Variants in ZNF544 observed in about 807,000 individuals in gnomAD.
The protein encoded by ZNF544 is zinc finger protein 544.
In ZNF544, 10 loss-of-function variants were observed where a neutral mutation model predicts 13.5. The observed-to-expected ratio is 0.74, with a 90% CI of 0.46 to 1.25. The LOEUF (loss-of-function observed/expected upper bound fraction) is 1.25, where lower values mean the gene tolerates loss of function less well. Among genes scored for constraint, ZNF544 ranks in the 50% most tolerant of loss-of-function variants. The pLI is 0.00. For synonymous variants in ZNF544, 323 were observed against 300.5 expected, an observed-to-expected ratio of 1.07 and a Z score of -0.77; for missense variants, 896 against 845.6, an observed-to-expected ratio of 1.06 and a Z score of -0.74.
At chr19:58,230,748 C>T (rs2041029353) in intron 3 of ZNF544, among the ~76,000 whole-genome samples, 1 of 152,102 alleles carries the variant, frequency 6.6e-6, no homozygotes, top group East Asian at 1.9e-4. Context: ...GTGTTGGTCA[C>T]TCTGTTCAGG....
At chr19:58,246,571 A>G (rs985577156) in intron 5 of ZNF544, 140 bp from the exon 6 acceptor site, 9 of 1,465,262 alleles carry the variant, frequency 6.1e-6, no homozygotes, top group Admixed American at 4.0e-5. Flanking sequence ...CCTTCATTCT[A>G]TCTCTGGGAC....
At chr19:58,274,567 A>G (rs923565819) in intron 5 of ZNF544, among the ~76,000 whole-genome samples, 2 of 152,188 alleles carry the variant, frequency 1.3e-5, no homozygotes, top group Non-Finnish European at 2.9e-5. Context: ...TGGCTTCCAC[A>G]ACTGTAACAA....
rs2048901871 is a variant in ZNF544 at position 58,261,353 on chromosome 19, C to T, written c.747C>T (p.Asp249=). 2.0e-5 allele frequency: 33 copies of T among 1,613,644 alleles called. No individual in the cohort carries two copies. Among genetic ancestry groups the T allele is most frequent in the Non-Finnish European group, 2.7e-5 (32 of 1,179,910 alleles). ...KNPYEYIVSG[D]SLNYGSSLCF... ...CTTATGAATATATTGTCAGTGGTGA[C>T]TCTCTCAACTATGGTTCCTCCCTTT... The change falls in exon 7 of 7, where the codon GAC becomes GAT. Residue 249 remains aspartate (D), a synonymous_variant. Coordinates refer to ENST00000687789, the MANE Select transcript of ZNF544 (RefSeq NM_014480.4).
Position 58,262,249 on chromosome 19 carries a change from A to G in ZNF544, c.1643A>G (p.Tyr548Cys). ...CGAATTCACACTGGAGAAAAACCGT[A>G]TCAGTGTATTGAATGTGGGAAATCC... ...HQRIHTGEKP[Y>C]QCIECGKSFR... Residue 548 changes from tyrosine (Y) to cysteine (C), a missense_variant, in exon 7 of 7, where the codon TAT becomes TGT. By Grantham distance (194) the Tyr-to-Cys change is radical (BLOSUM62 -2). Coordinates refer to ENST00000687789, the MANE Select transcript of ZNF544 (RefSeq NM_014480.4). The G allele has an allele frequency of 1.9e-6, 3 of 1,614,114 alleles. No individual in the cohort carries two copies. Among genetic ancestry groups the G allele is most frequent in the Non-Finnish European group, 2.5e-6 (3 of 1,180,036 alleles).
downstream of ZNF544, among the ~76,000 whole-genome samples, chr19:58,268,296 C>G (rs1394772016): frequency 6.6e-6 from 1 of 151,832 alleles, no homozygotes; most frequent in Non-Finnish European, 1.5e-5. Context: ...AGTGAAACTC[C>G]GTCTCAGAAA....
Position 58,243,158 on chromosome 19 carries a change from C to T in ZNF544, c.-59-807C>T, listed in dbSNP as rs1600263275. ...GTCAGAGTTCAAGGCTCTTCATGAA[C>T]TAGAAAGCATTGTGCAAATGAAAGG... On this transcript the variant is annotated intron_variant, in intron 3 of 6. Transcript: ENST00000687789. Among the ~76,000 whole-genome samples the T allele has an allele frequency of 6.6e-5, 10 of 152,202 alleles. No homozygotes were observed. In the South Asian group the frequency reaches 2.1e-3, roughly 32 times the overall value.
intron 3 of ZNF544, among the ~76,000 whole-genome samples, chr19:58,230,914 T>A (rs1387548745): frequency 6.6e-6 from 1 of 151,306 alleles, no homozygotes; most frequent in Non-Finnish European, 1.5e-5. Context: ...GAGTCCAGAG[T>A]CATCCCTTGG....
chr19:58,246,296 T>A lies in ZNF544; in HGVS notation c.34-5T>A, dbSNP rs1188390462. 2 of 1,613,870 alleles carry A rather than the reference T, an allele frequency of 1.2e-6. No homozygotes were observed. The highest frequency in any genetic ancestry group is 1.7e-6 in the Non-Finnish European group (2 of 1,179,912). On this transcript the variant is annotated splice_polypyrimidine_tract_variant and splice_region_variant and intron_variant, in intron 4 of 6. Coordinates refer to ENST00000687789, the MANE Select transcript of ZNF544 (RefSeq NM_014480.4). Reference sequence around the variant, plus strand: ...CTCTGAGCAGTAACAAGTGCCCTGTTTCAGGCATCTGTGTGCTTCGAGGAT... The same window carrying A: ...CTCTGAGCAGTAACAAGTGCCCTGTATCAGGCATCTGTGTGCTTCGAGGAT...
At position 58,229,554 on chromosome 19, in the gene ZNF544, C is replaced by G. The variant is rs1351677379; in HGVS notation, c.-145C>G. 1 of 152,310 alleles carries G rather than the reference C, an allele frequency of 6.6e-6. No homozygotes were observed. The highest frequency in any genetic ancestry group is 1.5e-5 in the Non-Finnish European group (1 of 68,092). The allele number at this position is 152,310 out of a possible 1,614,324, so 9.4% of individuals were successfully genotyped here. On this transcript the variant is annotated 5_prime_UTR_variant, in exon 2 of 7. Transcript: ENST00000687789. The stretch of plus-strand genomic sequence containing the variant: ...AGGTCATCCCAGCTCCAGACGTGGA[C>G]ACATTTTCTTCCAATGGTACGTGAA...
downstream of ZNF544, chr19:58,267,824 A>G (rs1194724591): frequency 6.6e-6 from 1 of 151,650 alleles, no homozygotes; most frequent in Non-Finnish European, 1.5e-5. Flanking sequence ...TACTAAAAAT[A>G]CAAAAAATTA....
At chr19:58,229,266 G>GGGGTGGAACTGGGTGGGACT (rs1196169534) in intron 1 of ZNF544, 1 of 130,206 alleles carries the variant, frequency 7.7e-6, no homozygotes, top group Non-Finnish European at 1.8e-5. Flanking sequence ...GGTACGGGCA[G>GGGGTGGAACTGGGTGGGACT]GGGTGGAACT....
chr19:58,269,441 A>C (rs923865112), intron 5 of ZNF544, among the ~76,000 whole-genome samples: 13 of 104,112 alleles, frequency 1.2e-4, no homozygotes, highest in African/African-American at 3.3e-4. Flanking sequence ...GTCTCAAAAA[A>C]AAACAAACAA....
chr19:58,240,769 AAAAG>A lies in ZNF544; in HGVS notation c.-59-3191_-59-3188del, dbSNP rs955022195. ...AGAGTGAAACTCCATCTCAAAAAAAAAAAGAAAGTACAGGGTGTGGACAACCCAG... is the reference window on the plus strand; with the variant it reads ...AGAGTGAAACTCCATCTCAAAAAAAAAAAGTACAGGGTGTGGACAACCCAG... On this transcript the variant is annotated intron_variant, in intron 3 of 6. Transcript: ENST00000687789. Among the ~76,000 whole-genome samples, 115 of 151,948 alleles carry A rather than the reference AAAAG, an allele frequency of 7.6e-4. 2 individuals carry two copies. Among genetic ancestry groups the A allele is most frequent in the African/African-American group, 2.2e-3 (91 of 41,476 alleles).
At chr19:58,239,281 C>A (rs1037971885) in intron 3 of ZNF544, among the ~76,000 whole-genome samples, 4 of 152,158 alleles carry the variant, frequency 2.6e-5, no homozygotes, top group Non-Finnish European at 5.9e-5. Flanking sequence ...ATGTTTTACA[C>A]CTTCCTGGCC....
intron 6 of ZNF544, among the ~76,000 whole-genome samples, chr19:58,250,054 G>C (rs2046040062): frequency 6.6e-6 from 1 of 152,166 alleles, no homozygotes; most frequent in Non-Finnish European, 1.5e-5. Context: ...AATTTCACAG[G>C]CTAAATAAAC....
intron 3 of ZNF544, among the ~76,000 whole-genome samples, chr19:58,232,054 C>A (rs2041353648): frequency 6.6e-6 from 1 of 151,576 alleles, no homozygotes. Flanking sequence ...GTTGTCCAGG[C>A]TGGTCTTGAA....
rs776998159 is a variant in ZNF544 at position 58,261,232 on chromosome 19, A to T, written c.626A>T (p.Asp209Val). 9 of 1,614,210 alleles carry T rather than the reference A, an allele frequency of 5.6e-6. No homozygotes were observed. The East Asian group carries it at 1.6e-4, about 28-fold the overall frequency. ...AFINHEKNGADGKHCESHQCA... is the reference protein window; with the variant it reads ...AFINHEKNGAVGKHCESHQCA... ...ATTAATCATGAGAAAAATGGAGCAG[A>T]TGGGAAGCACTGTGAGAGTCATCAG... The change falls in exon 7 of 7, where the codon GAT becomes GTT. Residue 209 changes from aspartate (D) to valine (V), a missense_variant. Asp to Val is a radical substitution (Grantham distance 152, BLOSUM62 -3). Coordinates refer to ENST00000687789, the MANE Select transcript of ZNF544 (RefSeq NM_014480.4).
chr19:58,242,099 G>C, intron 3 of ZNF544: 2 of 323,112 alleles, frequency 6.2e-6, no homozygotes, highest in Non-Finnish European at 8.9e-6. Context: ...GGCACCAGAA[G>C]TGTTTGAGAG....
intron 6 of ZNF544, among the ~76,000 whole-genome samples, chr19:58,256,702 C>A (rs932003165): frequency 6.6e-6 from 1 of 151,996 alleles, no homozygotes; most frequent in African/African-American, 2.4e-5. Flanking sequence ...GGTGTTAGTG[C>A]CTTATCAGTT....
Sources: allele counts gnomAD v4.1 joint callset (sites outside exome capture counted in the v4.1 genomes callset), GRCh38; gene constraint gnomAD v4.1.1; transcripts MANE v1.5; gene names NCBI Gene and HGNC (gene_info 2026-07-23, HGNC 2026-07-21).